SMARCA1: variants seen among roughly 807,000 people sequenced by gnomAD.
SMARCA1 encodes SWI/SNF-related matrix-associated actin-dependent regulator of chromatin subfamily A member 1.
A neutral mutation model predicts 93.6 loss-of-function variants in SMARCA1; 17 were observed. The ratio of observed to expected loss-of-function variants is 0.18; its 90% CI spans 0.12 to 0.27. SMARCA1 has a LOEUF of 0.27. SMARCA1 is among the 10% of genes least tolerant of loss of function. SMARCA1 has a pLI of 1.00. For missense variants in SMARCA1, 630 were observed against 819.0 expected (o/e 0.77, Z 2.82); for synonymous variants, 271 against 271.4 (o/e 1.00, Z 0.01).
chrX:129,490,461 T>C (rs1281995106), intron 14 of SMARCA1, among the ~76,000 whole-genome samples: 1 of 111,836 alleles, frequency 8.9e-6, no homozygotes, highest in Non-Finnish European at 1.9e-5. Flanking sequence ...AGTTTCTGGA[T>C]TGAGTTACTA....
intron 23 of SMARCA1, among the ~76,000 whole-genome samples, chrX:129,464,112 CT>C (rs756522174): frequency 8.9e-6 from 1 of 112,202 alleles, no homozygotes; most frequent in Admixed American, 9.5e-5. Context: ...GATGGACATA[CT>C]CCACACACTC....
chrX:129,514,458 G>A (rs191927389), intron 5 of SMARCA1, among the ~76,000 whole-genome samples: 31 of 112,451 alleles, frequency 2.8e-4, no homozygotes, highest in African/African-American at 9.4e-4. Context: ...GCACTGTACT[G>A]TATCAAGATT....
chrX:129,498,281 A>G (rs190339293), intron 10 of SMARCA1, among the ~76,000 whole-genome samples: 1 of 112,005 alleles, frequency 8.9e-6, no homozygotes, highest in African/African-American at 3.2e-5. Context: ...TGCTTTATCC[A>G]TGACAAGAAA....
In SMARCA1 at chrX:129,499,845, A is replaced by C; in HGVS notation, c.1168-4T>G. 1.1e-6 allele frequency: 1 copy of C among 903,874 alleles called. No homozygotes were observed. Among genetic ancestry groups the C allele is most frequent in the Non-Finnish European group, 1.6e-6 (1 of 629,201 alleles). The allele number at this position is 903,874 out of a possible 1,213,427, so 74.5% of individuals were successfully genotyped here. ...GTAACAAAAATGGTTTTAAAACCTAAAAGGTGATCATTTTTATAAAAGTTT... is the reference window on the plus strand; with the variant it reads ...GTAACAAAAATGGTTTTAAAACCTACAAGGTGATCATTTTTATAAAAGTTT... On this transcript the variant is annotated splice_polypyrimidine_tract_variant and splice_region_variant and intron_variant, in intron 9 of 24. Coordinates refer to ENST00000371121, the MANE Select transcript of SMARCA1 (RefSeq NM_001282874.2).
At chrX:129,522,761 T>C (rs1284863600) in intron 1 of SMARCA1, among the ~76,000 whole-genome samples, 1 of 111,642 alleles carries the variant, frequency 9.0e-6, no homozygotes, top group East Asian at 2.8e-4. Context: ...GAGTGTGGGA[T>C]TGAAGGGCCC....
intron 24 of SMARCA1, among the ~76,000 whole-genome samples, chrX:129,447,608 T>C (rs778654261): frequency 8.9e-5 from 10 of 111,895 alleles, no homozygotes; most frequent in Non-Finnish European, 1.3e-4. Flanking sequence ...CCATATTTCA[T>C]ATCTTCTATG....
chrX:129,450,883 T>C (rs1324150), intron 23 of SMARCA1, among the ~76,000 whole-genome samples: 19,002 of 110,163 alleles, frequency 0.17, 1,440 homozygotes, highest in East Asian at 0.33. Context: ...AATTCAGTTT[T>C]ATCTTTCCAA....
intron 10 of SMARCA1, among the ~76,000 whole-genome samples, chrX:129,498,578 TG>T (rs1290002656): frequency 9.0e-6 from 1 of 111,338 alleles, no homozygotes; most frequent in Non-Finnish European, 1.9e-5. Context: ...CCAAGTATCA[TG>T]TCAAGGGCTT....
intron 10 of SMARCA1, among the ~76,000 whole-genome samples, chrX:129,498,836 G>A (rs1304699485): frequency 5.4e-5 from 6 of 111,450 alleles, no homozygotes; most frequent in South Asian, 3.8e-4. Context: ...ATTTATATAC[G>A]TAACATTTTG....
chrX:129,490,926 C>T (rs896077880), intron 14 of SMARCA1, among the ~76,000 whole-genome samples: 2 of 111,755 alleles, frequency 1.8e-5, no homozygotes, highest in Non-Finnish European at 3.8e-5. Context: ...TACATTAAAC[C>T]TGAACCAGCA....
At chrX:129,495,358 C>G (rs1160388481) in intron 12 of SMARCA1, among the ~76,000 whole-genome samples, 1 of 111,109 alleles carries the variant, frequency 9.0e-6, no homozygotes, top group African/African-American at 3.3e-5. Flanking sequence ...TCTTTGTGAC[C>G]AGAAATATGC....
intron 9 of SMARCA1, among the ~76,000 whole-genome samples, chrX:129,504,191 T>C (rs778068652): frequency 1.8e-5 from 2 of 111,518 alleles, no homozygotes; most frequent in African/African-American, 6.5e-5. Context: ...GGCAGGAGGA[T>C]TGCTTGAGCT....
In SMARCA1 at chrX:129,517,141, A is replaced by G. The variant is rs779659784; in HGVS notation, c.262-644T>C. Reference sequence around the variant, plus strand: ...TATAAACTTTCTCCCCAAAGTAAGCAGAATTTGGGAAAAATATATAAACAT... The same window carrying G: ...TATAAACTTTCTCCCCAAAGTAAGCGGAATTTGGGAAAAATATATAAACAT... On this transcript the variant is annotated intron_variant, in intron 2 of 24. Transcript: ENST00000371121. 1.6e-3 allele frequency among the ~76,000 whole-genome samples: 176 copies of G among 111,517 alleles called. 1 individual carries two copies. The highest frequency in any genetic ancestry group is 5.0e-3 in the African/African-American group (154 of 30,836).
intron 9 of SMARCA1, among the ~76,000 whole-genome samples, chrX:129,503,550 T>C (rs758767114): frequency 9.0e-6 from 1 of 111,128 alleles, no homozygotes; most frequent in African/African-American, 3.3e-5. Context: ...AATAAGCTGA[T>C]AGATGGGGAG....
At chrX:129,471,353 T>C (rs377450851) in intron 19 of SMARCA1, 27 bp from the exon 20 acceptor site, 87 of 1,103,108 alleles carry the variant, frequency 7.9e-5, no homozygotes, top group Non-Finnish European at 1.1e-4. Flanking sequence ...AAACTAAGAG[T>C]AAACTGATGA....
intron 10 of SMARCA1, among the ~76,000 whole-genome samples, chrX:129,498,821 A>T (rs1366707797): frequency 8.9e-6 from 1 of 111,735 alleles, no homozygotes; most frequent in Non-Finnish European, 1.9e-5. Context: ...ACATGATCTA[A>T]TTGTATTTAT....
chrX:129,515,143 A>C (rs762502700), intron 5 of SMARCA1, among the ~76,000 whole-genome samples: 12 of 111,807 alleles, frequency 1.1e-4, no homozygotes, highest in Admixed American at 2.9e-4. Context: ...CAAAAACAAA[A>C]GTACAGAGAA....
chrX:129,522,254 A>G (rs1028873793), intron 1 of SMARCA1, among the ~76,000 whole-genome samples: 25 of 109,892 alleles, frequency 2.3e-4, no homozygotes, highest in African/African-American at 7.3e-4. Context: ...TATGTGTCAG[A>G]GCAGTTCCCT....
intron 21 of SMARCA1, among the ~76,000 whole-genome samples, chrX:129,467,776 T>C (rs757348959): frequency 9.0e-6 from 1 of 111,279 alleles, no homozygotes; most frequent in African/African-American, 3.3e-5. Flanking sequence ...AATGTTTCTT[T>C]CCTACTATTG....
Sources: gnomAD v4.1 joint callset for allele counts (sites outside exome capture counted in the v4.1 genomes callset) on GRCh38, gnomAD v4.1.1 for gene constraint, MANE v1.5 for transcripts, NCBI Gene and HGNC (gene_info 2026-07-23, HGNC 2026-07-21) for gene names.